The following SHISA9 variants were observed in gnomAD, a reference collection of about 807,000 sequenced individuals.
SHISA9 encodes the protein protein shisa-9.
SHISA9 carries 13 observed loss-of-function variants against 38.0 expected under a neutral mutation model. The observed-to-expected ratio is 0.34, with a 90% CI of 0.22 to 0.54. The LOEUF is 0.54. SHISA9 is among the 20% of genes least tolerant of loss of function. The pLI is 0.91. For missense variants in SHISA9, 538 were observed against 575.8 expected (o/e 0.93, Z 0.67); for synonymous variants, 275 against 242.0 (o/e 1.14, Z -1.27).
chr16:13,270,891 A>G, the SHISA9 span, among the ~76,000 whole-genome samples: 8 of 152,310 alleles, frequency 5.3e-5, no homozygotes, highest in African/African-American at 1.9e-4. Flanking sequence ...GAATCATTTG[A>G]TAAGTCTCCC....
the SHISA9 span, among the ~76,000 whole-genome samples, chr16:13,517,016 C>G: frequency 2.0e-5 from 3 of 152,176 alleles, no homozygotes; most frequent in Non-Finnish European, 2.9e-5. Flanking sequence ...TTATCCCCCA[C>G]ATAGTCATGT....
the SHISA9 span, among the ~76,000 whole-genome samples, chr16:13,400,119 G>A: frequency 6.6e-6 from 1 of 152,148 alleles, no homozygotes; most frequent in Admixed American, 6.6e-5. Flanking sequence ...ACGTGAAGCA[G>A]GTTAGAAATA....
the SHISA9 span, among the ~76,000 whole-genome samples, chr16:13,326,893 T>G: frequency 1.1e-4 from 16 of 152,226 alleles, no homozygotes; most frequent in East Asian, 2.9e-3. Context: ...TTTGTTTCTC[T>G]CCTCTCTGTG....
intron 2 of SHISA9, among the ~76,000 whole-genome samples, chr16:13,168,404 A>T (rs2050656262): frequency 6.6e-6 from 1 of 152,210 alleles, no homozygotes; most frequent in African/African-American, 2.4e-5. Flanking sequence ...TATGGCCTCC[A>T]ACATTACCAT....
intron 2 of SHISA9, among the ~76,000 whole-genome samples, chr16:13,056,162 C>T (rs995613574): frequency 3.3e-5 from 5 of 152,138 alleles, no homozygotes; most frequent in African/African-American, 4.8e-5. Context: ...AGGGGCCATG[C>T]GCTTAAATGG....
chr16:12,930,141 C>G (rs1381077156), intron 2 of SHISA9, among the ~76,000 whole-genome samples: 2 of 152,234 alleles, frequency 1.3e-5, no homozygotes, highest in African/African-American at 4.8e-5. Flanking sequence ...ATCTTCCTCC[C>G]ACTCCCTACT....
chr16:12,991,501 G>A (rs1200297158), intron 2 of SHISA9, among the ~76,000 whole-genome samples: 1 of 152,146 alleles, frequency 6.6e-6, no homozygotes, highest in Non-Finnish European at 1.5e-5. Context: ...GGCTATGAAA[G>A]TACCTGAAGT....
At chr16:12,911,015 C>T (rs1448685538) in intron 1 of SHISA9, 3 of 163,434 alleles carry the variant, frequency 1.8e-5, no homozygotes, top group Non-Finnish European at 3.8e-5. Flanking sequence ...ATTTCAAGAG[C>T]ACCCTCACAG....
At chr16:13,524,444 G>T in the SHISA9 span, among the ~76,000 whole-genome samples, 3 of 152,234 alleles carry the variant, frequency 2.0e-5, no homozygotes, top group Non-Finnish European at 4.4e-5. Flanking sequence ...GCGATTTCAA[G>T]ACTGCTTTCA....
At chr16:13,380,473 A>G in the SHISA9 span, among the ~76,000 whole-genome samples, 1 of 152,186 alleles carries the variant, frequency 6.6e-6, no homozygotes, top group Admixed American at 6.5e-5. Context: ...TATAACAGTG[A>G]GTTAAAAATT....
In SHISA9 at chr16:13,147,154, G is replaced by C. The variant is rs909073371; in HGVS notation, c.692-56240G>C. Among the ~76,000 whole-genome samples the C allele has an allele frequency of 2.6e-5, 4 of 152,198 alleles. No individual in the cohort carries two copies. In the East Asian group the frequency reaches 7.7e-4, roughly 29 times the overall value. On this transcript the variant is annotated intron_variant, in intron 2 of 4. Transcript: ENST00000558583. ...GAGATAGCATTGCCTTTGAGGAACA[G>C]TCAGTAAATGGGTGAGCCTAGAAGA...
the SHISA9 span, among the ~76,000 whole-genome samples, chr16:13,535,994 T>C: frequency 1.4e-5 from 2 of 147,658 alleles, no homozygotes; most frequent in Non-Finnish European, 3.0e-5. Flanking sequence ...ACTTTGCATA[T>C]TTTTTTCTTT....
the SHISA9 span, among the ~76,000 whole-genome samples, chr16:13,298,543 C>T: frequency 6.6e-6 from 1 of 152,000 alleles, no homozygotes; most frequent in South Asian, 2.1e-4. Flanking sequence ...GAAATCAGAG[C>T]TTAGAGTGCT....
intron 2 of SHISA9, among the ~76,000 whole-genome samples, chr16:13,074,568 A>G (rs529500199): frequency 1.3e-5 from 2 of 152,064 alleles, no homozygotes; most frequent in Non-Finnish European, 2.9e-5. Flanking sequence ...CAAATGAGAT[A>G]TATTCTTCAG....
At chr16:13,383,401 T>C in the SHISA9 span, among the ~76,000 whole-genome samples, 1 of 152,220 alleles carries the variant, frequency 6.6e-6, no homozygotes, top group South Asian at 2.1e-4. Flanking sequence ...CTTGAACATA[T>C]ATCCTTAATA....
the SHISA9 span, among the ~76,000 whole-genome samples, chr16:13,416,363 C>A: frequency 3.3e-5 from 5 of 152,184 alleles, no homozygotes; most frequent in African/African-American, 1.2e-4. Flanking sequence ...TCTTAATTAT[C>A]TTACCCCTGA....
the SHISA9 span, among the ~76,000 whole-genome samples, chr16:13,330,271 T>G: frequency 2.0e-5 from 3 of 152,352 alleles, no homozygotes; most frequent in African/African-American, 7.2e-5. Context: ...TTTTTTCATT[T>G]AATTAATGTA....
rs1317138646 is a variant in SHISA9 at position 13,240,307 on chromosome 16, T to C, written c.*4898T>C. On this transcript the variant is annotated 3_prime_UTR_variant, in exon 5 of 5. Coordinates refer to ENST00000558583, the MANE Select transcript of SHISA9 (RefSeq NM_001145204.3). The stretch of plus-strand genomic sequence containing the variant: ...ATGATACGAATAATTCTTCCTACAA[T>C]GAAGAAAAAAACACATTTGTTTGTT... 10 of 152,190 alleles carry C rather than the reference T, an allele frequency of 6.6e-5. No individual in the cohort carries two copies. Among genetic ancestry groups the C allele is most frequent in the Admixed American group, 2.0e-4 (3 of 15,288 alleles). 9.4% of individuals were successfully genotyped at this position (152,190 alleles called of 1,614,324 possible).
rs541850409 is a variant in SHISA9, at chr16:13,063,374, G to A, written c.692-140020G>A. ...CTTAAAGTTGGTCGGGACCTTAAAT[G>A]GAAAAAAAAAACAAAATCCATGTCC... On this transcript the variant is annotated intron_variant, in intron 2 of 4. Coordinates refer to ENST00000558583, the MANE Select transcript of SHISA9 (RefSeq NM_001145204.3). 3.9e-4 allele frequency among the ~76,000 whole-genome samples: 59 copies of A among 151,108 alleles called. 1 individual carries two copies. The highest frequency in any genetic ancestry group is 2.9e-5 in the Non-Finnish European group (2 of 67,814).
Sources: allele counts gnomAD v4.1 joint callset (sites outside exome capture counted in the v4.1 genomes callset), GRCh38; gene constraint gnomAD v4.1.1; transcripts MANE v1.5; gene names NCBI Gene and HGNC (gene_info 2026-07-23, HGNC 2026-07-21).